The following CHD9 variants were observed in gnomAD, a reference collection of about 807,000 sequenced individuals.
CHD9 encodes the protein chromodomain helicase DNA binding protein 9.
In CHD9, 77 loss-of-function variants were observed where a neutral mutation model predicts 316.1. The ratio of observed to expected loss-of-function variants is 0.24; its 90% confidence interval spans 0.20 to 0.29. CHD9 has a LOEUF of 0.29. CHD9 is among the 10% of genes least tolerant of loss of function. The pLI is 1.00. For missense variants in CHD9, 2,763 were observed against 3,438.1 expected (o/e 0.80, Z 4.91); for synonymous variants, 1,129 against 1,158.3 (o/e 0.97, Z 0.51).
At chr16:53,293,337 G>C (rs1055116025) in intron 29 of CHD9, among the ~76,000 whole-genome samples, 1 of 152,134 alleles carries the variant, frequency 6.6e-6, no homozygotes, top group East Asian at 1.9e-4. Context: ...ATAAATAACT[G>C]GGCACAGTGG....
At chr16:53,191,612 C>CT (rs1335979691) in intron 2 of CHD9, among the ~76,000 whole-genome samples, 10 of 152,064 alleles carry the variant, frequency 6.6e-5, no homozygotes, top group African/African-American at 2.4e-4. Flanking sequence ...TAGTTTGTTC[C>CT]TTTTTATGAC....
chr16:53,070,931 G>A (rs1316004729), intron 1 of CHD9, among the ~76,000 whole-genome samples: 1 of 152,164 alleles, frequency 6.6e-6, no homozygotes, highest in Non-Finnish European at 1.5e-5. Context: ...CAGGATGTGT[G>A]AGTCCTCCAG....
chr16:53,210,414 C>T (rs1484470826), intron 3 of CHD9, among the ~76,000 whole-genome samples: 1 of 151,860 alleles, frequency 6.6e-6, no homozygotes, highest in Non-Finnish European at 1.5e-5. Flanking sequence ...AGGATTAATG[C>T]TCCAAGAGAA....
At chr16:53,193,373 C>T (rs528862568) in intron 2 of CHD9, among the ~76,000 whole-genome samples, 5 of 151,696 alleles carry the variant, frequency 3.3e-5, no homozygotes, top group African/African-American at 7.3e-5. Flanking sequence ...GGCATGAACC[C>T]GGGAGGCAGA....
At chr16:53,280,312 T>C (rs1484765508) in intron 24 of CHD9, among the ~76,000 whole-genome samples, 1 of 152,122 alleles carries the variant, frequency 6.6e-6, no homozygotes, top group African/African-American at 2.4e-5. Context: ...GAAACTGTGG[T>C]ATATATGTAT....
At position 53,088,275 on chromosome 16, in the gene CHD9, C is replaced by CTTTTTTTT. The variant is rs35052198; in HGVS notation, c.-165+33201_-165+33202insTTTTTTTT. On this transcript the variant is annotated intron_variant, in intron 1 of 38. Transcript: ENST00000447540. ...CTGTAATCAAGGAAAATGACATGCA[C>CTTTTTTTT]TTTGTTTTTTTTTTTTTTTTGAGAT... Among the ~76,000 whole-genome samples the CTTTTTTTT allele has an allele frequency of 4.7e-5, 6 of 127,088 alleles. 2 individuals are homozygous for CTTTTTTTT. The highest frequency in any genetic ancestry group is 1.6e-5 in the Non-Finnish European group (1 of 62,120). 83.4% of individuals were successfully genotyped at this position (127,088 alleles called of 152,430 possible).
intron 8 of CHD9, among the ~76,000 whole-genome samples, chr16:53,230,938 A>AG (rs144161606): frequency 0.31 from 47,239 of 152,110 alleles, 7,487 homozygotes; most frequent in Middle Eastern, 0.39. Flanking sequence ...ACCATTAACC[A>AG]TTAGAAAATG....
At chr16:53,237,980 G>C (rs2048772775) in intron 11 of CHD9, among the ~76,000 whole-genome samples, 1 of 151,942 alleles carries the variant, frequency 6.6e-6, no homozygotes, top group Admixed American at 6.6e-5. Context: ...ACCCCTGAAA[G>C]GCAGAGAACA....
chr16:53,197,878 G>A (rs1466407056), intron 2 of CHD9, among the ~76,000 whole-genome samples: 1 of 151,884 alleles, frequency 6.6e-6, no homozygotes, highest in South Asian at 2.1e-4. Context: ...GGCTGGTCTC[G>A]AACTACTGAC....
chr16:53,176,288 C>T (rs1399762221), intron 2 of CHD9, among the ~76,000 whole-genome samples: 7 of 152,214 alleles, frequency 4.6e-5, no homozygotes, highest in African/African-American at 1.7e-4. Flanking sequence ...GTCTTTCTCA[C>T]GTTGTATCAC....
In CHD9 at chr16:53,156,809, C is replaced by T. The variant is rs2152746860; in HGVS notation, c.720C>T (p.His240=). 2 of 1,613,830 alleles carry T rather than the reference C, an allele frequency of 1.2e-6. No homozygotes were observed. Among genetic ancestry groups the T allele is most frequent in the Non-Finnish European group, 1.7e-6 (2 of 1,179,874 alleles). Residue 240 remains histidine, a synonymous_variant, in exon 2 of 39, where the codon CAC becomes CAT. Transcript: ENST00000447540. Reference sequence around the variant, plus strand: ...CTCAAACGTCAAATCCTTCAGCACACTTCCACAAGTGTAGCAGTCATCAAG... The same window carrying T: ...CTCAAACGTCAAATCCTTCAGCACATTTCCACAAGTGTAGCAGTCATCAAG... ...QFSQTSNPSA[H]FHKCSSHQEG...
At chr16:53,063,956 C>T (rs1042084019) in intron 1 of CHD9, among the ~76,000 whole-genome samples, 1 of 151,748 alleles carries the variant, frequency 6.6e-6, no homozygotes, top group African/African-American at 2.4e-5. Context: ...ACCTCAGCCT[C>T]CAGAGTAGCT....
chr16:53,256,322 C>CT (rs2152979527), intron 19 of CHD9, among the ~76,000 whole-genome samples: 1 of 149,832 alleles, frequency 6.7e-6, no homozygotes, highest in Admixed American at 6.7e-5. Context: ...ACTCTATACT[C>CT]TGTTAGGCGA....
chr16:53,242,622 A>G (rs912718827), intron 12 of CHD9, among the ~76,000 whole-genome samples: 3 of 152,222 alleles, frequency 2.0e-5, no homozygotes, highest in Non-Finnish European at 4.4e-5. Context: ...ACAATTATGA[A>G]TAATATAATT....
chr16:53,183,452 GTTAT>G (rs1228765251), intron 2 of CHD9, among the ~76,000 whole-genome samples: 1 of 152,106 alleles, frequency 6.6e-6, no homozygotes, highest in Non-Finnish European at 1.5e-5. Flanking sequence ...TCTGTAACAG[GTTAT>G]TTATTTAAAA....
chr16:53,148,482 A>T (rs1015060924), intron 1 of CHD9, among the ~76,000 whole-genome samples: 1 of 152,190 alleles, frequency 6.6e-6, no homozygotes, highest in Non-Finnish European at 1.5e-5. Context: ...GAAATGTATG[A>T]GGGTTCCAAT....
chr16:53,313,953 C>CA (rs368259661), intron 34 of CHD9, among the ~76,000 whole-genome samples: 4,683 of 88,376 alleles, frequency 0.053, 87 homozygotes, highest in Middle Eastern at 0.12. Flanking sequence ...ACTCCGTCTC[C>CA]AAAAAAAAAA....
At chr16:53,160,087 A>T (rs1020387542) in intron 2 of CHD9, among the ~76,000 whole-genome samples, 2 of 152,208 alleles carry the variant, frequency 1.3e-5, no homozygotes, top group African/African-American at 4.8e-5. Flanking sequence ...GCATCTCAGA[A>T]GGACCCTGGG....
intron 1 of CHD9, among the ~76,000 whole-genome samples, chr16:53,084,338 G>T (rs564224255): frequency 6.6e-6 from 1 of 152,320 alleles, no homozygotes; most frequent in African/African-American, 2.4e-5. Flanking sequence ...GTGAAAACTT[G>T]CCCTACCCAA....
Sources: allele counts gnomAD v4.1 joint callset (sites outside exome capture counted in the v4.1 genomes callset), GRCh38; gene constraint gnomAD v4.1.1; transcripts MANE v1.5; gene names NCBI Gene and HGNC (gene_info 2026-07-23, HGNC 2026-07-21).